The following MGAT5 variants were observed in gnomAD, a reference collection of about 807,000 sequenced individuals.
MGAT5 encodes alpha-1,6-mannosylglycoprotein 6-beta-N-acetylglucosaminyltransferase A.
In MGAT5, 30 loss-of-function variants were observed where a neutral mutation model predicts 94.3. That is an observed-to-expected ratio of 0.32 (90% CI 0.24 to 0.43). MGAT5 has a LOEUF of 0.43. Ranked by LOEUF, MGAT5 falls within the 20% of genes least tolerant of loss-of-function variation. MGAT5 has a pLI of 1.00. For synonymous variants in MGAT5, 310 were observed against 322.9 expected (o/e 0.96, Z 0.43); for missense variants, 691 against 905.5 (o/e 0.76, Z 3.04).
intron 10 of MGAT5, among the ~76,000 whole-genome samples, chr2:134,387,563 A>G (rs959773213): frequency 2.0e-5 from 3 of 151,806 alleles, no homozygotes; most frequent in Non-Finnish European, 4.4e-5. Context: ...AAGTCTTCCT[A>G]CAGAGCTGAG....
At chr2:134,237,791 C>A (rs1277517354) in intron 1 of MGAT5, among the ~76,000 whole-genome samples, 2 of 148,180 alleles carry the variant, frequency 1.3e-5, no homozygotes, top group African/African-American at 2.5e-5. Context: ...TGCTCTGTCA[C>A]TCAGGTTGGA....
intron 10 of MGAT5, among the ~76,000 whole-genome samples, chr2:134,387,129 C>T (rs1314655136): frequency 1.3e-5 from 2 of 151,180 alleles, no homozygotes; most frequent in Non-Finnish European, 3.0e-5. Context: ...GGCATGGTGG[C>T]ACATGCCTGT....
chr2:134,120,535 C>G (rs1478800806), intron 1 of MGAT5, among the ~76,000 whole-genome samples: 1 of 151,956 alleles, frequency 6.6e-6, no homozygotes, highest in African/African-American at 2.4e-5. Flanking sequence ...AGAAGCCCAC[C>G]TGCCCCGGGC....
intron 8 of MGAT5, 86 bp from the exon 9 acceptor site, chr2:134,349,719 T>A: frequency 7.0e-7 from 1 of 1,430,776 alleles, no homozygotes. Context: ...CTATTTTTAG[T>A]AGTCTTGAAG....
At chr2:134,269,436 C>A (rs1205842286) in intron 1 of MGAT5, among the ~76,000 whole-genome samples, 1 of 152,202 alleles carries the variant, frequency 6.6e-6, no homozygotes, top group African/African-American at 2.4e-5. Context: ...GTGCACTTTT[C>A]CCCTGGCCCA....
chr2:134,161,095 A>G (rs13429630), intron 1 of MGAT5, among the ~76,000 whole-genome samples: 13,168 of 152,270 alleles, frequency 0.086, 1,314 homozygotes, highest in African/African-American at 0.24. Flanking sequence ...GGCCACCTGC[A>G]CTATTTGCCA....
At chr2:134,229,453 C>T (rs1681237709) in intron 1 of MGAT5, among the ~76,000 whole-genome samples, 1 of 152,128 alleles carries the variant, frequency 6.6e-6, no homozygotes, top group African/African-American at 2.4e-5. Context: ...TTTCTGGTTC[C>T]TGTATTAATT....
intron 11 of MGAT5, among the ~76,000 whole-genome samples, chr2:134,411,336 G>T (rs979073951): frequency 3.3e-5 from 5 of 152,118 alleles, no homozygotes; most frequent in Non-Finnish European, 1.5e-5. Flanking sequence ...GATCTCTGGT[G>T]GTTCTGCTGC....
chr2:134,120,344 C>T (rs1180009707), intron 1 of MGAT5: 5 of 387,360 alleles, frequency 1.3e-5, no homozygotes, highest in African/African-American at 8.3e-5. Context: ...GTCATCCCCG[C>T]GGGGTGATGC....
At chr2:134,141,389 G>A (rs182067857) in intron 1 of MGAT5, among the ~76,000 whole-genome samples, 2 of 152,100 alleles carry the variant, frequency 1.3e-5, no homozygotes, top group East Asian at 1.9e-4. Context: ...TGTCTTATTA[G>A]CTATTATATT....
intron 2 of MGAT5, among the ~76,000 whole-genome samples, chr2:134,294,223 GC>G (rs1685539945): frequency 6.6e-6 from 1 of 152,152 alleles, no homozygotes; most frequent in African/African-American, 2.4e-5. Context: ...CTGCGGTTTA[GC>G]CCCATAGACC....
rs774498138 is a variant in MGAT5 at position 134,412,960 on chromosome 2, C to T, written c.1622C>T (p.Pro541Leu). 1 of 1,614,120 alleles carries T rather than the reference C, an allele frequency of 6.2e-7. No homozygotes were observed. The highest frequency in any genetic ancestry group is 8.5e-7 in the Non-Finnish European group (1 of 1,180,016). Reference sequence around the variant, plus strand: ...GCTTTTCTGAATCCCAAGTTCAACCCACCCAAAAGCAGCAAAAACACAGAC... The same window carrying T: ...GCTTTTCTGAATCCCAAGTTCAACCTACCCAAAAGCAGCAAAAACACAGAC... ...GCAFLNPKFN[P>L]PKSSKNTDFF... The change falls in exon 12 of 16, where the codon CCA becomes CTA. Residue 541 changes from proline to leucine, a missense_variant. By Grantham distance (98) the Pro-to-Leu change is moderately conservative. This residue lies in a region of MGAT5 where 260 missense variants were observed against 347.0 expected (regional missense o/e 0.75). Transcript: ENST00000281923.
In MGAT5 at chr2:134,378,581, A is replaced by G. The variant is rs1681335579; in HGVS notation, c.1380+16173A>G. 3.3e-5 allele frequency among the ~76,000 whole-genome samples: 5 copies of G among 150,904 alleles called. No individual in the cohort carries two copies. In the South Asian group the frequency reaches 1.0e-3, roughly 32 times the overall value. ...GTGTTCTCGATCGTTAAATCAGAAC[A>G]CTAATCATATACAACTCACAGGGTT... On this transcript the variant is annotated intron_variant, in intron 10 of 15. Coordinates refer to ENST00000281923, the MANE Select transcript of MGAT5 (RefSeq NM_002410.5).
chr2:134,308,792 T>A (rs983126116), intron 2 of MGAT5, among the ~76,000 whole-genome samples: 2 of 152,192 alleles, frequency 1.3e-5, no homozygotes, highest in African/African-American at 4.8e-5. Context: ...CCCAGCACTT[T>A]GGAAGGCTGA....
chr2:134,154,196 G>T (rs1254520934), intron 1 of MGAT5, among the ~76,000 whole-genome samples: 1 of 152,112 alleles, frequency 6.6e-6, no homozygotes, highest in African/African-American at 2.4e-5. Flanking sequence ...AACGAATATG[G>T]GTCAGGGAAC....
At chr2:134,309,290 C>G (rs1226232922) in intron 2 of MGAT5, among the ~76,000 whole-genome samples, 1 of 152,116 alleles carries the variant, frequency 6.6e-6, no homozygotes, top group African/African-American at 2.4e-5. Flanking sequence ...TGTTTACATA[C>G]AAATTTTTGT....
chr2:134,144,741 G>C (rs1392353542), intron 1 of MGAT5, among the ~76,000 whole-genome samples: 2 of 152,160 alleles, frequency 1.3e-5, no homozygotes, highest in African/African-American at 4.8e-5. Context: ...ATATATATTA[G>C]GGATGCATGC....
At chr2:134,281,693 C>T (rs1388330992) in intron 2 of MGAT5, among the ~76,000 whole-genome samples, 2 of 152,114 alleles carry the variant, frequency 1.3e-5, no homozygotes, top group African/African-American at 4.8e-5. Context: ...ACTGCCTGAC[C>T]CTTTACTGTA....
At chr2:134,128,261 AAAAG>A (rs927874166) in intron 1 of MGAT5, among the ~76,000 whole-genome samples, 11 of 151,952 alleles carry the variant, frequency 7.2e-5, no homozygotes, top group Non-Finnish European at 1.2e-4. Context: ...AAAGAAAAAG[AAAAG>A]AAAGAGAGAG....
Sources: allele counts gnomAD v4.1 joint callset (sites outside exome capture counted in the v4.1 genomes callset), GRCh38; gene constraint gnomAD v4.1.1; regional missense constraint gnomAD v4.1.1; transcripts MANE v1.5; gene names NCBI Gene and HGNC (gene_info 2026-07-23, HGNC 2026-07-21).